Variants in SYT17 observed in about 807,000 individuals in gnomAD.
SYT17 encodes the protein synaptotagmin 17.
A neutral mutation model predicts 46.7 loss-of-function variants in SYT17; 22 were observed. The observed-to-expected ratio is 0.47, with a 90% CI of 0.34 to 0.67. The LOEUF is 0.67. Among genes scored for constraint, SYT17 ranks in the 30% least tolerant of loss-of-function variants. The pLI, the probability that SYT17 is intolerant of heterozygous loss-of-function variation, is 0.01. For missense variants in SYT17, 519 were observed against 612.8 expected, an observed-to-expected ratio of 0.85 and a Z score of 1.62; for synonymous variants, 251 against 248.4, an observed-to-expected ratio of 1.01 and a Z score of -0.10.
intron 7 of SYT17, among the ~76,000 whole-genome samples, chr16:19,264,583 A>T (rs1969228449): frequency 7.3e-6 from 1 of 137,224 alleles, no homozygotes; most frequent in Non-Finnish European, 1.5e-5. Flanking sequence ...CGTGAGACTG[A>T]GATTTCCCCC....
At chr16:19,234,329 A>G (rs1057460169) in intron 7 of SYT17, among the ~76,000 whole-genome samples, 48 of 152,166 alleles carry the variant, frequency 3.2e-4, no homozygotes, top group Non-Finnish European at 6.8e-4. Context: ...CGGTCTCAAG[A>G]AAAGAAAAGA....
intron 5 of SYT17, among the ~76,000 whole-genome samples, chr16:19,190,578 C>T (rs948082413): frequency 2.0e-5 from 3 of 152,134 alleles, no homozygotes; most frequent in Admixed American, 6.6e-5. Context: ...TCCCTCTCCC[C>T]GCAGCCCCTG....
rs150714416 is a variant in SYT17 at position 19,233,252 on chromosome 16, T to G, written c.1228+8414T>G. ...AATTGAATCTGCTGGTGAGATGAGA[T>G]GGGTGGGAAGGCACGGCGGGGAATG... is the stretch of plus-strand genomic sequence containing the variant. On this transcript the variant is annotated intron_variant, in intron 7 of 7. Transcript: ENST00000355377. Among the ~76,000 whole-genome samples, 12 of 152,106 alleles carry G rather than the reference T, an allele frequency of 7.9e-5. 1 individual carries two copies. The East Asian group carries it at 1.9e-3, about 25-fold the overall frequency.
intron 4 of SYT17, among the ~76,000 whole-genome samples, chr16:19,182,392 C>T (rs1279259965): frequency 3.9e-5 from 6 of 152,118 alleles, no homozygotes; most frequent in Admixed American, 2.0e-4. Context: ...CCAGCCTGGA[C>T]GATAGAGCAA....
intron 3 of SYT17, 96 bp downstream of exon 3, chr16:19,173,674 GATT>G (rs1250479064): frequency 4.4e-6 from 6 of 1,361,488 alleles, no homozygotes; most frequent in Non-Finnish European, 6.0e-6. Flanking sequence ...CGGGAGGGAG[GATT>G]TGGGGGCATG....
At chr16:19,222,933 T>C in intron 5 of SYT17, 112 bp from the exon 6 acceptor site, 4 of 1,423,486 alleles carry the variant, frequency 2.8e-6, no homozygotes, top group Non-Finnish European at 3.8e-6. Context: ...CACTGTCAAC[T>C]GATGCGCTCA....
intron 5 of SYT17, chr16:19,211,482 C>A (rs1248680054): frequency 1.4e-6 from 1 of 703,632 alleles, no homozygotes; most frequent in Admixed American, 2.0e-5. Flanking sequence ...AAGGAAATGA[C>A]AAGGTGGTGT....
At chr16:19,239,953 T>C (rs1056958439) in intron 7 of SYT17, among the ~76,000 whole-genome samples, 44 of 152,318 alleles carry the variant, frequency 2.9e-4, no homozygotes, top group African/African-American at 1.1e-3. Context: ...GCCGGCTCAC[T>C]GCGAGGCTGC....
In SYT17 at chr16:19,168,341, C is replaced by G. The variant is rs1036932846; in HGVS notation, c.-306C>G. On this transcript the variant is annotated 5_prime_UTR_variant, in exon 1 of 8. Coordinates refer to ENST00000355377, the MANE Select transcript of SYT17 (RefSeq NM_016524.4). The surrounding 1 kb of genome is among the most constrained non-coding windows in gnomAD (Gnocchi z 6.9). ...CCCAGGCGCCCCGGCCTTATTCCAG[C>G]CTGGGGAGCGCCTCGGTGGGGAGCA... 14 of 466,700 alleles carry G rather than the reference C, an allele frequency of 3.0e-5. No homozygotes were observed. Among genetic ancestry groups the G allele is most frequent in the African/African-American group, 2.3e-4 (11 of 47,770 alleles). The allele number at this position is 466,700 out of a possible 1,614,324, so 28.9% of individuals were successfully genotyped here. A position where few individuals can be genotyped will look rare whatever the true frequency, so the allele number is the denominator to read the frequency against.
At chr16:19,224,162 A>G (rs1966419991) in intron 6 of SYT17, among the ~76,000 whole-genome samples, 1 of 150,432 alleles carries the variant, frequency 6.6e-6, no homozygotes, top group African/African-American at 2.5e-5. Flanking sequence ...GGCTCACTGA[A>G]ATGATAATGG....
At chr16:19,213,691 TAAAG>T (rs781725059) in intron 5 of SYT17, among the ~76,000 whole-genome samples, 2 of 151,992 alleles carry the variant, frequency 1.3e-5, no homozygotes, top group Non-Finnish European at 2.9e-5. Context: ...AAAATAAAAA[TAAAG>T]AAAGTTTAGA....
intron 5 of SYT17, among the ~76,000 whole-genome samples, chr16:19,201,510 G>A (rs1310047740): frequency 6.6e-6 from 1 of 152,054 alleles, no homozygotes; most frequent in Non-Finnish European, 1.5e-5. Flanking sequence ...ACTGGAAAAA[G>A]TGGGGAAGGG....
chr16:19,226,235 C>T (rs1376391822), intron 7 of SYT17, among the ~76,000 whole-genome samples: 3 of 152,160 alleles, frequency 2.0e-5, no homozygotes, highest in Non-Finnish European at 2.9e-5. Context: ...TTGCCAGCTC[C>T]ACATATCAAG....
intron 3 of SYT17, among the ~76,000 whole-genome samples, chr16:19,177,849 G>A (rs1358460701): frequency 5.9e-5 from 9 of 152,208 alleles, no homozygotes; most frequent in Non-Finnish European, 1.5e-5. Context: ...TTGATTGTTT[G>A]TCGAACAAGC....
intron 7 of SYT17, among the ~76,000 whole-genome samples, chr16:19,252,358 CATATATATATACATATATATACAT>C (rs1210219941): frequency 1.7e-5 from 1 of 57,942 alleles, no homozygotes; most frequent in Non-Finnish European, 2.7e-5. Flanking sequence ...GCCATATACA[CATATATATATACATATATATACAT>C]ATATATATAT....
At chr16:19,171,309 TGATGATG>T (rs1964077054) in intron 1 of SYT17, 3 of 163,036 alleles carry the variant, frequency 1.8e-5, no homozygotes, top group African/African-American at 7.2e-5. Context: ...ATGATGATGA[TGATGATG>T]ATGATGATGA....
intron 7 of SYT17, among the ~76,000 whole-genome samples, chr16:19,246,015 T>TA (rs945546637): frequency 4.0e-5 from 6 of 151,862 alleles, no homozygotes; most frequent in African/African-American, 1.4e-4. Flanking sequence ...TTTATTTATT[T>TA]TTTTTTTTGA....
At chr16:19,257,685 C>T (rs937111187) in intron 7 of SYT17, among the ~76,000 whole-genome samples, 2 of 152,166 alleles carry the variant, frequency 1.3e-5, no homozygotes, top group African/African-American at 4.8e-5. Flanking sequence ...TGAAACAGCC[C>T]AGGGTGGTCT....
chr16:19,224,979 C>T lies in SYT17; in HGVS notation c.1228+141C>T, dbSNP rs765321608. 3.9e-4 allele frequency: 346 copies of T among 897,052 alleles called. 1 individual carries two copies. Among genetic ancestry groups the T allele is most frequent in the Non-Finnish European group, 5.5e-4 (326 of 597,830 alleles). The allele number at this position is 897,052 out of a possible 1,614,324, so 55.6% of individuals were successfully genotyped here. A position where few individuals can be genotyped will look rare whatever the true frequency, so the allele number is the denominator to read the frequency against. On this transcript the variant is annotated intron_variant, in intron 7 of 7. Transcript: ENST00000355377. Reference sequence around the variant, plus strand: ...ACTACCTGGGTTTGAACCCACTTAACATCTATGAACTGGGGCAGGACTCAT... The same window carrying T: ...ACTACCTGGGTTTGAACCCACTTAATATCTATGAACTGGGGCAGGACTCAT...
Sources: allele counts gnomAD v4.1 joint callset (sites outside exome capture counted in the v4.1 genomes callset), GRCh38; gene constraint gnomAD v4.1.1; non-coding constraint Gnocchi (gnomAD v3.1); transcripts MANE v1.5; gene names NCBI Gene and HGNC (gene_info 2026-07-23, HGNC 2026-07-21).